The following TYW5 variants were observed in gnomAD, a reference collection of about 807,000 sequenced individuals.
TYW5 encodes tRNA wybutosine-synthesizing protein 5.
A neutral mutation model predicts 44.4 loss-of-function variants in TYW5; 36 were observed. That is an observed-to-expected ratio of 0.81 (90% CI 0.62 to 1.07). TYW5 has a LOEUF of 1.07. Among genes scored for constraint, TYW5 ranks in the 50% least tolerant of loss-of-function variants. The probability of loss-of-function intolerance (pLI) is 0.00; values close to 1 mark genes in which losing one functional copy is unlikely to be tolerated. For missense variants in TYW5, 354 were observed against 365.7 expected, an observed-to-expected ratio of 0.97 and a Z score of 0.26; for synonymous variants, 121 against 128.1, an observed-to-expected ratio of 0.94 and a Z score of 0.37.
At chr2:199,937,899 A>T (rs1387405210) in intron 5 of TYW5, among the ~76,000 whole-genome samples, 2 of 151,604 alleles carry the variant, frequency 1.3e-5, no homozygotes, top group South Asian at 2.1e-4. Context: ...GAACTTAAAA[A>T]TTTTTTTTTC....
At chr2:199,938,340 A>G (rs1339621972) in intron 5 of TYW5, among the ~76,000 whole-genome samples, 1 of 152,200 alleles carries the variant, frequency 6.6e-6, no homozygotes, top group Non-Finnish European at 1.5e-5. Flanking sequence ...CTGGGATTAC[A>G]GGTGTGAGCC....
At position 199,948,344 on chromosome 2, in the gene TYW5, G is replaced by A. The variant is rs766661545; in HGVS notation, c.207C>T (p.Asp69=). The A allele has an allele frequency of 6.2e-7, 1 of 1,614,130 alleles. No homozygotes were observed. Among genetic ancestry groups the A allele is most frequent in the Non-Finnish European group, 8.5e-7 (1 of 1,180,016 alleles). Residue 69 remains aspartate (D), a synonymous_variant, in exon 2 of 8, where the codon GAC becomes GAT. Transcript: ENST00000354611. ...KIHVAAVAQM[D]FISKNFVYRT... ...TATATACAAAGTTCTTACTAATGAAGTCCATCTGTGCAACTGCAGCAACAT... is the reference window on the plus strand; with the variant it reads ...TATATACAAAGTTCTTACTAATGAAATCCATCTGTGCAACTGCAGCAACAT...
In TYW5 at chr2:199,947,984, C is replaced by T. The variant is rs187190521; in HGVS notation, c.233+334G>A. 2.1e-3 allele frequency: 430 copies of T among 207,398 alleles called. 4 individuals carry two copies. Among genetic ancestry groups the T allele is most frequent in the African/African-American group, 9.8e-3 (409 of 41,920 alleles). 12.8% of individuals were successfully genotyped at this position (207,398 alleles called of 1,614,324 possible). On this transcript the variant is annotated intron_variant, in intron 2 of 7. Coordinates refer to ENST00000354611, the MANE Select transcript of TYW5 (RefSeq NM_001039693.3). The stretch of plus-strand genomic sequence containing the variant: ...GCATGTGCCTGTAATCCCAGCTACT[C>T]GGGAGGCTGAGGCAGGAGTATCACT...
chr2:199,951,069 T>C (rs1224764909), intron 1 of TYW5, among the ~76,000 whole-genome samples: 2 of 152,226 alleles, frequency 1.3e-5, no homozygotes, highest in Non-Finnish European at 2.9e-5. Flanking sequence ...AATGTACATG[T>C]AGCTCATGTT....
intron 2 of TYW5, chr2:199,945,352 G>C (rs1281217082): frequency 1.3e-5 from 2 of 152,226 alleles, no homozygotes; most frequent in Non-Finnish European, 2.9e-5. Context: ...TCTGAAGCCA[G>C]GTTATGGATT....
At chr2:199,950,675 C>T (rs983896452) in intron 1 of TYW5, among the ~76,000 whole-genome samples, 4 of 152,076 alleles carry the variant, frequency 2.6e-5, no homozygotes, top group East Asian at 1.9e-4. Flanking sequence ...TGTGCACGTG[C>T]GCGTGCCCTG....
intron 7 of TYW5, among the ~76,000 whole-genome samples, chr2:199,934,137 T>C (rs1448720435): frequency 6.6e-6 from 1 of 152,064 alleles, no homozygotes; most frequent in African/African-American, 2.4e-5. Context: ...AGAAACTTAT[T>C]CTAAGAGTGT....
At chr2:199,941,054 T>A (rs1369638007) in intron 3 of TYW5, among the ~76,000 whole-genome samples, 1 of 152,196 alleles carries the variant, frequency 6.6e-6, no homozygotes, top group Non-Finnish European at 1.5e-5. Context: ...ATTATTTAAA[T>A]TTTTTAAATT....
chr2:199,953,385 A>G (rs1329354991), intron 1 of TYW5, among the ~76,000 whole-genome samples: 2 of 152,042 alleles, frequency 1.3e-5, no homozygotes, highest in African/African-American at 4.8e-5. Flanking sequence ...CAAATATACC[A>G]CTCTAATGAG....
chr2:199,951,934 A>G (rs777970086), intron 1 of TYW5, among the ~76,000 whole-genome samples: 27 of 151,810 alleles, frequency 1.8e-4, no homozygotes, highest in Non-Finnish European at 2.6e-4. Flanking sequence ...GGAGAATGGC[A>G]TGAACCCGGG....
chr2:199,941,803 T>C (rs1032605235), intron 3 of TYW5, among the ~76,000 whole-genome samples: 1 of 152,240 alleles, frequency 6.6e-6, no homozygotes, highest in South Asian at 2.1e-4. Context: ...TGTTAACTTC[T>C]TCAGGTCCAC....
intron 1 of TYW5, 138 bp downstream of exon 1, chr2:199,955,255 G>A (rs2077587188): frequency 2.1e-6 from 2 of 963,520 alleles, no homozygotes; most frequent in East Asian, 5.3e-5. Context: ...TTGGTCTAAG[G>A]GCCAACCAGT....
At chr2:199,936,515 G>C (rs1377352257) in intron 5 of TYW5, 23 bp from the exon 6 acceptor site, 1 of 1,566,220 alleles carries the variant, frequency 6.4e-7, no homozygotes, top group Non-Finnish European at 8.7e-7. Flanking sequence ...AAAAGCTTAT[G>C]GGTAATCATT....
At position 199,943,780 on chromosome 2, in the gene TYW5, T is replaced by C; in HGVS notation, c.288A>G (p.Glu96=). 6.2e-7 allele frequency: 1 copy of C among 1,610,024 alleles called. No individual in the cohort carries two copies. Among genetic ancestry groups the C allele is most frequent in the Non-Finnish European group, 8.5e-7 (1 of 1,179,110 alleles). ...AAGCAATTACCTCTGAAACAAAGAA[T>C]TCTTTATGTTTCTCTTCAGCTGCCC... ...VQRAAEEKHK[E]FFVSEDEKYY... The change falls in exon 3 of 8, where the codon GAA becomes GAG. Residue 96 remains glutamate, a synonymous_variant. Coordinates refer to ENST00000354611, the MANE Select transcript of TYW5 (RefSeq NM_001039693.3).
intron 7 of TYW5, among the ~76,000 whole-genome samples, chr2:199,935,531 C>G (rs555505359): frequency 6.6e-6 from 1 of 150,568 alleles, no homozygotes; most frequent in Non-Finnish European, 1.5e-5. Context: ...TTATTTTTGT[C>G]GAGACGGGGT....
At position 199,935,994 on chromosome 2, in the gene TYW5, G is replaced by A. The variant is rs1179300835; in HGVS notation, c.628C>T (p.Leu210Phe). The change falls in exon 7 of 8, where the codon CTT becomes TTT. Residue 210 changes from leucine to phenylalanine, a missense_variant. By Grantham distance (22) the Leu-to-Phe change is conservative. Transcript: ENST00000354611. The stretch of plus-strand genomic sequence containing the variant: ...TCATATCTTCTAGCCTTGGAAAAAA[G>A]TGGATATTTAGCCAAGTCTGGGTTA... ...IDNPDLAKYPLFSKARRYECS... is the reference protein window; with the variant it reads ...IDNPDLAKYPFFSKARRYECS... 1 of 1,613,272 alleles carries A rather than the reference G, an allele frequency of 6.2e-7. No individual in the cohort carries two copies. The highest frequency in any genetic ancestry group is 8.5e-7 in the Non-Finnish European group (1 of 1,179,524).
chr2:199,955,266 G>C, intron 1 of TYW5, 127 bp downstream of exon 1: 3 of 1,071,584 alleles, frequency 2.8e-6, no homozygotes, highest in Non-Finnish European at 4.0e-6. Context: ...GCCAACCAGT[G>C]ATCTGCTGCC....
intron 5 of TYW5, among the ~76,000 whole-genome samples, chr2:199,937,334 T>G (rs771608583): frequency 2.0e-5 from 3 of 152,036 alleles, no homozygotes; most frequent in Non-Finnish European, 4.4e-5. Flanking sequence ...TCTATTATAA[T>G]TCAAGGTAAA....
Position 199,938,973 on chromosome 2 carries a change from C to G in TYW5, c.446G>C (p.Arg149Pro). ...TAGTTGTAATCCTGGTGAACTAATTCGAAAAACACTGGAAAAGAACTGTTC... is the reference window on the plus strand; with the variant it reads ...TAGTTGTAATCCTGGTGAACTAATTGGAAAAACACTGGAAAAGAACTGTTC... ...KEEQFFSSVF[R>P]ISSPGLQLWT... The change falls in exon 5 of 8, where the codon CGA (arginine) becomes CCA (proline). Residue 149 changes from arginine (R) to proline (P), a missense_variant. Coordinates refer to ENST00000354611, the MANE Select transcript of TYW5 (RefSeq NM_001039693.3). 2 of 1,612,928 alleles carry G rather than the reference C, an allele frequency of 1.2e-6. No homozygotes were observed. Among genetic ancestry groups the G allele is most frequent in the Non-Finnish European group, 1.7e-6 (2 of 1,179,610 alleles).
Sources: allele counts gnomAD v4.1 joint callset (sites outside exome capture counted in the v4.1 genomes callset), GRCh38; gene constraint gnomAD v4.1.1; transcripts MANE v1.5; gene names NCBI Gene and HGNC (gene_info 2026-07-23, HGNC 2026-07-21).